The following ASPSCR1 variants were observed in gnomAD, a reference collection of about 807,000 sequenced individuals.
ASPSCR1 encodes ASPSCR1 tether for SLC2A4, UBX domain containing, also known as tether containing UBX domain for GLUT4.
ASPSCR1 carries 55 observed loss-of-function variants against 68.9 expected under a neutral mutation model. The observed-to-expected ratio is 0.80, with a 90% CI of 0.64 to 1.00. The LOEUF (loss-of-function observed/expected upper bound fraction) is 1.00. Among genes scored for constraint, ASPSCR1 ranks in the 50% least tolerant of loss-of-function variants. The pLI is 0.00. For synonymous variants in ASPSCR1, 352 were observed against 332.6 expected, an observed-to-expected ratio of 1.06 and a Z score of -0.63; for missense variants, 765 against 762.2, an observed-to-expected ratio of 1.00 and a Z score of -0.04.
In ASPSCR1 at chr17:81,987,567, G is replaced by C. The variant is rs966983252; in HGVS notation, c.374+1960G>C. On this transcript the variant is annotated intron_variant, in intron 4 of 15. Transcript: ENST00000306739. The surrounding 1 kb of genome is among the most constrained non-coding windows in gnomAD (Gnocchi z 5.6). Reference sequence around the variant, plus strand: ...GGGATGGAGGTAAGGAAATGGCCCAGAGTGGCCTGGGGCTGCCACTGGGGA... The same window carrying C: ...GGGATGGAGGTAAGGAAATGGCCCACAGTGGCCTGGGGCTGCCACTGGGGA... 6.6e-6 allele frequency among the ~76,000 whole-genome samples: 1 copy of C among 152,248 alleles called. No individual in the cohort carries two copies. The highest frequency in any genetic ancestry group is 1.5e-5 in the Non-Finnish European group (1 of 68,048).
chr17:81,994,776 T>G, intron 4 of ASPSCR1, 45 bp from the exon 5 acceptor site: 295 of 1,584,340 alleles, frequency 1.9e-4, no homozygotes, highest in Middle Eastern at 3.4e-4. Flanking sequence ...TGGCACTGGT[T>G]GAGCTGCCCT....
intron 7 of ASPSCR1, among the ~76,000 whole-genome samples, chr17:82,003,879 T>C (rs2042618537): frequency 6.6e-6 from 1 of 152,216 alleles, no homozygotes; most frequent in African/African-American, 2.4e-5. Context: ...TCGGGAGGTT[T>C]GGCCCGTGTC....
At chr17:82,001,963 A>G (rs2042546419) in intron 7 of ASPSCR1, among the ~76,000 whole-genome samples, 1 of 148,220 alleles carries the variant, frequency 6.7e-6, no homozygotes, top group African/African-American at 2.5e-5. Flanking sequence ...GCAGTCCTGA[A>G]TCCTGTTCTT....
intron 12 of ASPSCR1, chr17:82,013,845 C>A: frequency 6.5e-6 from 1 of 152,724 alleles, no homozygotes; most frequent in Non-Finnish European, 1.5e-5. Context: ...AACCTGCGTC[C>A]TGGCCCTGGG....
At chr17:81,988,142 C>G (rs2042054118) in intron 4 of ASPSCR1, among the ~76,000 whole-genome samples, 1 of 143,770 alleles carries the variant, frequency 7.0e-6, no homozygotes. Context: ...GAGCGAGACT[C>G]TGTCTCAAAA....
chr17:82,011,981 A>T, intron 11 of ASPSCR1: 1 of 634,850 alleles, frequency 1.6e-6, no homozygotes, highest in Non-Finnish European at 2.8e-6. Context: ...GCAAAGGGTT[A>T]GGCTGCCCAC....
chr17:81,985,649 C>A, intron 4 of ASPSCR1, 42 bp downstream of exon 4: 1 of 1,572,368 alleles, frequency 6.4e-7, no homozygotes, highest in Non-Finnish European at 8.7e-7. Context: ...ACCCTGTTTG[C>A]TGGGGAAGCT....
At chr17:81,995,875 A>T in intron 5 of ASPSCR1, 117 bp from the exon 6 acceptor site, 1 of 951,580 alleles carries the variant, frequency 1.1e-6, no homozygotes, top group Non-Finnish European at 1.6e-6. Context: ...GGTGGGTAGG[A>T]TGGAGGCCAG....
chr17:82,016,497 C>G lies in ASPSCR1; in HGVS notation c.1375C>G (p.Leu459Val), dbSNP rs1309004076. ...GCAGGCGAACCTCTTCCCGGCCGCTCTGGTGCACTTGGGAGCCGAGGAGCC... is the reference window on the plus strand; with the variant it reads ...GCAGGCGAACCTCTTCCCGGCCGCTGTGGTGCACTTGGGAGCCGAGGAGCC... ...LFQANLFPAA[L>V]VHLGAEEPAG... Residue 459 changes from leucine to valine, a missense_variant, in exon 13 of 16, where the codon CTG becomes GTG. Coordinates refer to ENST00000306739, the MANE Select transcript of ASPSCR1 (RefSeq NM_024083.4). 1.3e-6 allele frequency: 2 copies of G among 1,549,086 alleles called. No homozygotes were observed. Among genetic ancestry groups the G allele is most frequent in the Non-Finnish European group, 1.7e-6 (2 of 1,147,160 alleles).
chr17:81,994,581 C>T (rs2042274832), intron 4 of ASPSCR1, among the ~76,000 whole-genome samples: 1 of 151,656 alleles, frequency 6.6e-6, no homozygotes, highest in Non-Finnish European at 1.5e-5. Context: ...AGCCCCCAGG[C>T]CACGCACCAC....
At chr17:81,993,730 G>A (rs1321401149) in intron 4 of ASPSCR1, among the ~76,000 whole-genome samples, 2 of 152,274 alleles carry the variant, frequency 1.3e-5, no homozygotes, top group Non-Finnish European at 2.9e-5. Flanking sequence ...CCATCCCGGA[G>A]GGTTGCTGCA....
At chr17:81,998,106 C>T (rs561178589) in intron 7 of ASPSCR1, among the ~76,000 whole-genome samples, 1 of 152,176 alleles carries the variant, frequency 6.6e-6, no homozygotes, top group Non-Finnish European at 1.5e-5. Context: ...GGATTACAGG[C>T]TTGAGCCACC....
chr17:82,010,726 C>A, intron 9 of ASPSCR1, 76 bp from the exon 10 acceptor site: 1 of 1,490,874 alleles, frequency 6.7e-7, no homozygotes, highest in South Asian at 1.1e-5. Context: ...CCAGCATGGG[C>A]CGAGTGGGGA....
At chr17:82,014,154 G>A (rs1822662661) in intron 12 of ASPSCR1, 1 of 152,232 alleles carries the variant, frequency 6.6e-6, no homozygotes. Context: ...CACCTGGCAG[G>A]GCGTGACTGG....
intron 4 of ASPSCR1, 110 bp downstream of exon 4, chr17:81,985,717 G>A (rs1385408105): frequency 9.0e-7 from 1 of 1,107,828 alleles, no homozygotes; most frequent in Non-Finnish European, 1.3e-6. Context: ...CTGGCCTGTG[G>A]TGCCTCTTGG....
chr17:81,987,771 G>A lies in ASPSCR1; in HGVS notation c.374+2164G>A, dbSNP rs1008609058. ...GGTGGCTGTGGGGGTGGGTTTGGGCGCTTTGGAGGAGGTTGCAGTGAGCCG... is the reference window on the plus strand; with the variant it reads ...GGTGGCTGTGGGGGTGGGTTTGGGCACTTTGGAGGAGGTTGCAGTGAGCCG... On this transcript the variant is annotated intron_variant, in intron 4 of 15. Transcript: ENST00000306739. This position sits in a 1 kb window ranked among gnomAD's most constrained non-coding sequence, Gnocchi z 5.6. Among the ~76,000 whole-genome samples, 7 of 151,890 alleles carry A rather than the reference G, an allele frequency of 4.6e-5. No homozygotes were observed. The highest frequency in any genetic ancestry group is 1.5e-4 in the African/African-American group (6 of 41,320).
In ASPSCR1 at chr17:81,983,683, G is replaced by A. The variant is rs762233864; in HGVS notation, c.273+15G>A. 28 of 1,590,092 alleles carry A rather than the reference G, an allele frequency of 1.8e-5. No individual in the cohort carries two copies. Among genetic ancestry groups the A allele is most frequent in the Non-Finnish European group, 2.0e-5 (23 of 1,163,600 alleles). ...CTGAGAACATGGTGGGTCGTGCTCTGGGGGAGGCTGACTGTGTGGGGCACA... is the reference window on the plus strand; with the variant it reads ...CTGAGAACATGGTGGGTCGTGCTCTAGGGGAGGCTGACTGTGTGGGGCACA... On this transcript the variant is annotated intron_variant, in intron 3 of 15. Transcript: ENST00000306739. The surrounding 1 kb of genome is among the most constrained non-coding windows in gnomAD (Gnocchi z 4.4).
chr17:82,008,974 C>T, intron 7 of ASPSCR1, 63 bp from the exon 8 acceptor site: 1 of 1,429,648 alleles, frequency 7.0e-7, no homozygotes, highest in Non-Finnish European at 9.1e-7. Context: ...GGGGCACTGA[C>T]AGCCCGGGGT....
At chr17:82,007,204 CG>C (rs1239501148) in intron 7 of ASPSCR1, 1 of 152,214 alleles carries the variant, frequency 6.6e-6, no homozygotes, top group Non-Finnish European at 1.5e-5. Context: ...AGGTGAAGGG[CG>C]GGTGTGGGAG....
Sources: allele counts gnomAD v4.1 joint callset (sites outside exome capture counted in the v4.1 genomes callset), GRCh38; gene constraint gnomAD v4.1.1; non-coding constraint Gnocchi (gnomAD v3.1); transcripts MANE v1.5; gene names NCBI Gene and HGNC (gene_info 2026-07-23, HGNC 2026-07-21).